TMEM39A: variants seen among roughly 807,000 people sequenced by gnomAD.
The protein encoded by TMEM39A is suppressor of SQST-1 aggregates in rpl-43 mutants.
Under a neutral mutation model 51.9 loss-of-function variants are expected in TMEM39A, and 19 were observed. That is an observed-to-expected ratio of 0.37 (90% CI 0.26 to 0.54). The LOEUF (loss-of-function observed/expected upper bound fraction) is 0.54, where lower values mean the gene tolerates loss of function less well. Ranked by LOEUF, TMEM39A falls within the 20% of genes least tolerant of loss-of-function variation. The pLI is 0.88. For synonymous variants in TMEM39A, 197 were observed against 220.2 expected, an observed-to-expected ratio of 0.89 and a Z score of 0.93; for missense variants, 433 against 590.5, an observed-to-expected ratio of 0.73 and a Z score of 2.76.
intron 8 of TMEM39A, among the ~76,000 whole-genome samples, chr3:119,433,521 A>G (rs1253633472): frequency 6.6e-6 from 1 of 152,128 alleles, no homozygotes; most frequent in African/African-American, 2.4e-5. Flanking sequence ...TTTTTTCCAT[A>G]GATTCCACCC....
At chr3:119,459,213 A>G (rs1001702215) in intron 2 of TMEM39A, among the ~76,000 whole-genome samples, 2 of 152,226 alleles carry the variant, frequency 1.3e-5, no homozygotes, top group Non-Finnish European at 2.9e-5. Flanking sequence ...AACTTTCCCT[A>G]AATAACTAGA....
chr3:119,443,196 T>C (rs914783351), intron 5 of TMEM39A, among the ~76,000 whole-genome samples: 7 of 152,050 alleles, frequency 4.6e-5, no homozygotes, highest in Admixed American at 1.3e-4. Context: ...CTATTTCTGG[T>C]AAAGATGCTG....
chr3:119,432,262 G>T, intron 8 of TMEM39A, 48 bp from the exon 9 acceptor site: 1 of 1,333,670 alleles, frequency 7.5e-7, no homozygotes, highest in Non-Finnish European at 1.0e-6. Flanking sequence ...GAAAAGTAAT[G>T]GCTACAGTTA....
rs375583332 is a variant in TMEM39A, at chr3:119,443,512, C to T, written c.575+3506G>A. On this transcript the variant is annotated intron_variant, in intron 5 of 8. Transcript: ENST00000319172. The stretch of plus-strand genomic sequence containing the variant: ...GCAAGACTCTCCACCAGCAAGATTA[C>T]AACTCACTGAAGGCTCAAATGCTCA... 1.3e-4 allele frequency among the ~76,000 whole-genome samples: 20 copies of T among 152,318 alleles called. No individual in the cohort carries two copies. In the East Asian group the frequency reaches 3.1e-3, roughly 23 times the overall value.
chr3:119,458,630 C>T (rs889759643), intron 2 of TMEM39A, among the ~76,000 whole-genome samples: 6 of 152,116 alleles, frequency 3.9e-5, no homozygotes, highest in African/African-American at 1.4e-4. Flanking sequence ...CGTGGTGGCT[C>T]ACACCTGTAA....
chr3:119,439,681 A>AT (rs1383926180), intron 5 of TMEM39A, among the ~76,000 whole-genome samples: 1 of 152,176 alleles, frequency 6.6e-6, no homozygotes, highest in East Asian at 1.9e-4. Context: ...GATGTTACTA[A>AT]TTAAGAACAT....
intron 3 of TMEM39A, among the ~76,000 whole-genome samples, chr3:119,456,128 G>A (rs986867989): frequency 2.6e-5 from 4 of 152,082 alleles, no homozygotes; most frequent in East Asian, 1.9e-4. Flanking sequence ...ATGTGTGTTC[G>A]TTATTGACAC....
intron 4 of TMEM39A, among the ~76,000 whole-genome samples, chr3:119,450,479 T>C (rs1019761266): frequency 6.6e-6 from 1 of 152,168 alleles, no homozygotes. Context: ...ATTAAGACTT[T>C]GATAAAACGA....
chr3:119,441,257 G>T (rs371490024), intron 5 of TMEM39A, among the ~76,000 whole-genome samples: 4 of 152,322 alleles, frequency 2.6e-5, no homozygotes, highest in African/African-American at 9.6e-5. Context: ...TAAGCTTAGT[G>T]AGAAAACATG....
intron 4 of TMEM39A, 31 bp downstream of exon 4, chr3:119,452,416 A>G (rs1160640549): frequency 1.3e-6 from 2 of 1,563,112 alleles, no homozygotes; most frequent in Non-Finnish European, 1.8e-6. Flanking sequence ...CTCTAGCTAC[A>G]TGTGATAGAA....
At chr3:119,437,661 G>C in intron 6 of TMEM39A, 94 bp downstream of exon 6, 1 of 1,045,716 alleles carries the variant, frequency 9.6e-7, no homozygotes, top group South Asian at 1.7e-5. Flanking sequence ...TGCCAAAGGG[G>C]AGACAGAGAA....
chr3:119,463,595 G>C lies in TMEM39A; in HGVS notation c.-334C>G, dbSNP rs2282173. On this transcript the variant is annotated 5_prime_UTR_variant, in exon 1 of 9. Transcript: ENST00000319172. ...CCTGATACTTCAGCACCCATCCCTA[G>C]CCTCCATTACCGCGGAGCTGAGCAG... is the stretch of plus-strand genomic sequence containing the variant. 0.13 allele frequency: 53,008 copies of C among 398,620 alleles called. 3,755 individuals are homozygous for C. The highest frequency in any genetic ancestry group is 0.18 in the South Asian group (1,387 of 7,868). The allele number at this position is 398,620 out of a possible 1,614,324, so 24.7% of individuals were successfully genotyped here.
At chr3:119,460,822 A>G (rs1295250019) in intron 2 of TMEM39A, among the ~76,000 whole-genome samples, 7 of 152,344 alleles carry the variant, frequency 4.6e-5, no homozygotes, top group Middle Eastern at 6.8e-3. Flanking sequence ...TACTGAATCA[A>G]TAAGTTGATA....
At chr3:119,461,904 T>C (rs2081343986) in intron 2 of TMEM39A, 58 bp downstream of exon 2, 1 of 1,315,868 alleles carries the variant, frequency 7.6e-7, no homozygotes, top group Non-Finnish European at 1.1e-6. Context: ...ATGACTTTTA[T>C]GTTAGTCTTA....
chr3:119,446,085 TTAA>T (rs2081121080), intron 5 of TMEM39A, among the ~76,000 whole-genome samples: 1 of 152,114 alleles, frequency 6.6e-6, no homozygotes, highest in South Asian at 2.1e-4. Flanking sequence ...CATTAAGAGA[TTAA>T]TAATAAAATA....
chr3:119,433,071 C>T (rs1365473075), intron 8 of TMEM39A, among the ~76,000 whole-genome samples: 4 of 152,064 alleles, frequency 2.6e-5, no homozygotes, highest in South Asian at 2.1e-4. Flanking sequence ...CAGTCTAATC[C>T]TAAATCTAGA....
chr3:119,435,980 G>C (rs1251532321), intron 7 of TMEM39A: 6 of 1,263,686 alleles, frequency 4.7e-6, no homozygotes, highest in African/African-American at 3.1e-5. Flanking sequence ...GAACTCTCAG[G>C]GGGAGAGGGA....
At chr3:119,447,242 A>T (rs2081140028) in intron 4 of TMEM39A, 70 bp from the exon 5 acceptor site, 2 of 1,531,490 alleles carry the variant, frequency 1.3e-6, no homozygotes, top group Non-Finnish European at 8.9e-7. Context: ...TAATTCAAGT[A>T]AGAACTTAAT....
Position 119,437,802 on chromosome 3 carries a change from G to C in TMEM39A, c.877C>G (p.Leu293Val), listed in dbSNP as rs776748636. 1 of 1,592,350 alleles carries C rather than the reference G, an allele frequency of 6.3e-7. No homozygotes were observed. The stretch of plus-strand genomic sequence containing the variant: ...AATGCAACATAGTAGGCACTGAAGA[G>C]GGAGTTGAAGAGAACCTCCTTGATT... ...HRIKEVLFNS[L>V]FSAYYVAFLP... is the part of the protein sequence containing the mutation. The change falls in exon 6 of 9, where the codon CTC becomes GTC. Residue 293 changes from leucine (L) to valine (V), a missense_variant. Physicochemically the swap from Leu to Val is conservative, Grantham distance 32 (BLOSUM62 1). Coordinates refer to ENST00000319172, the MANE Select transcript of TMEM39A (RefSeq NM_018266.3).
Sources: allele counts gnomAD v4.1 joint callset (sites outside exome capture counted in the v4.1 genomes callset), GRCh38; gene constraint gnomAD v4.1.1; transcripts MANE v1.5; gene names NCBI Gene and HGNC (gene_info 2026-07-23, HGNC 2026-07-21).